Variants in CERS6 observed in about 807,000 individuals in gnomAD.
The protein encoded by CERS6 is LAG1 homolog, ceramide synthase 6.
Under a neutral mutation model 56.8 loss-of-function variants are expected in CERS6, and 26 were observed. The observed-to-expected ratio is 0.46, with a 90% CI of 0.34 to 0.63. The LOEUF is 0.63. CERS6 is among the 30% of genes least tolerant of loss of function. The pLI, the probability that CERS6 is intolerant of heterozygous loss-of-function variation, is 0.01. For synonymous variants in CERS6, 164 were observed against 173.3 expected, an observed-to-expected ratio of 0.95 and a Z score of 0.42; for missense variants, 415 against 467.5, an observed-to-expected ratio of 0.89 and a Z score of 1.04.
chr2:168,640,562 TG>T (rs1417057774), intron 4 of CERS6, among the ~76,000 whole-genome samples: 4 of 152,326 alleles, frequency 2.6e-5, no homozygotes, highest in African/African-American at 9.6e-5. Flanking sequence ...CTCTTTTCCC[TG>T]GTATCATCAG....
chr2:168,517,494 A>AAAATAAAT (rs148764497), intron 1 of CERS6, among the ~76,000 whole-genome samples: 89 of 149,552 alleles, frequency 6.0e-4, no homozygotes, highest in Non-Finnish European at 7.5e-4. Flanking sequence ...ACTGCCTCAA[A>AAAATAAAT]AAATAAATAA....
intron 3 of CERS6, among the ~76,000 whole-genome samples, chr2:168,595,416 A>G (rs1328672265): frequency 1.3e-5 from 2 of 152,200 alleles, no homozygotes; most frequent in Non-Finnish European, 2.9e-5. Context: ...CCAAGGTTAG[A>G]TTGAATGTTG....
chr2:168,532,386 A>C lies in CERS6; in HGVS notation c.171-15210A>C, dbSNP rs545915774. Among the ~76,000 whole-genome samples the C allele has an allele frequency of 5.3e-5, 8 of 152,164 alleles. No individual in the cohort carries two copies. The South Asian group carries it at 1.7e-3, about 32-fold the overall frequency. Reference sequence around the variant, plus strand: ...ATCAGAGATTCTCTTAACTATATTTATTTAGTGTTGATAACACTTTTTTTG... The same window carrying C: ...ATCAGAGATTCTCTTAACTATATTTCTTTAGTGTTGATAACACTTTTTTTG... On this transcript the variant is annotated intron_variant, in intron 1 of 9. Transcript: ENST00000305747.
At chr2:168,537,329 CTTT>C (rs1553489322) in intron 1 of CERS6, among the ~76,000 whole-genome samples, 3 of 152,152 alleles carry the variant, frequency 2.0e-5, no homozygotes, top group Non-Finnish European at 4.4e-5. Context: ...GGCCTTTCTT[CTTT>C]GTCTGACTGA....
chr2:168,559,671 A>G (rs532224614), intron 2 of CERS6, among the ~76,000 whole-genome samples: 1 of 142,274 alleles, frequency 7.0e-6, no homozygotes, highest in South Asian at 2.3e-4. Flanking sequence ...AATTTTGGGG[A>G]GCGCAGCATT....
At chr2:168,643,149 C>T (rs1685088012) in intron 4 of CERS6, among the ~76,000 whole-genome samples, 1 of 152,326 alleles carries the variant, frequency 6.6e-6, no homozygotes, top group Non-Finnish European at 1.5e-5. Flanking sequence ...TTACTTTGTT[C>T]CTCCTAATCA....
chr2:168,765,818 A>G (rs1684717640), intron 9 of CERS6, 70 bp downstream of exon 9: 2 of 1,358,904 alleles, frequency 1.5e-6, no homozygotes, highest in South Asian at 1.4e-5. Context: ...TGGATCAACT[A>G]TTTACTATTC....
chr2:168,715,183 C>T, intron 7 of CERS6, 54 bp downstream of exon 7: 3 of 1,529,720 alleles, frequency 2.0e-6, no homozygotes, highest in Non-Finnish European at 2.7e-6. Context: ...TAGGAAGTCC[C>T]CAATCTCATT....
chr2:168,619,518 A>AT (rs1451716857), intron 3 of CERS6, among the ~76,000 whole-genome samples: 1 of 152,098 alleles, frequency 6.6e-6, no homozygotes, highest in Non-Finnish European at 1.5e-5. Flanking sequence ...AGAAAAAAAA[A>AT]TCAAACAATC....
intron 3 of CERS6, among the ~76,000 whole-genome samples, chr2:168,587,692 G>A (rs1239591555): frequency 6.6e-6 from 1 of 151,958 alleles, no homozygotes; most frequent in Non-Finnish European, 1.5e-5. Context: ...GTGGTATACA[G>A]GCAAAGTTGG....
intron 7 of CERS6, among the ~76,000 whole-genome samples, chr2:168,716,288 G>A (rs1687224724): frequency 6.6e-6 from 1 of 152,088 alleles, no homozygotes; most frequent in South Asian, 2.1e-4. Flanking sequence ...CAATCCCCTG[G>A]AAATGAGTTA....
rs1396910492 is a variant in CERS6, at chr2:168,757,607, C to A, written c.846-7985C>A. 2.0e-5 allele frequency among the ~76,000 whole-genome samples: 3 copies of A among 152,142 alleles called. No individual in the cohort carries two copies. In the East Asian group the frequency reaches 5.8e-4, roughly 29 times the overall value. ...GATAAAGAAATGACTTCTGGCCAGG[C>A]ATGGTGGCTCATGCCTGTAATCCCA... On this transcript the variant is annotated intron_variant, in intron 8 of 9. Transcript: ENST00000305747.
intron 1 of CERS6, among the ~76,000 whole-genome samples, chr2:168,537,535 C>A (rs1247245172): frequency 1.3e-5 from 2 of 151,940 alleles, no homozygotes; most frequent in African/African-American, 4.8e-5. Flanking sequence ...TATAAAATAG[C>A]CTGCTTTAAA....
chr2:168,489,082 A>C (rs1391407538), intron 1 of CERS6, among the ~76,000 whole-genome samples: 1 of 152,198 alleles, frequency 6.6e-6, no homozygotes, highest in Non-Finnish European at 1.5e-5. Context: ...TTGTAGAGCA[A>C]GTCTGCTGAA....
chr2:168,508,198 G>A (rs531216655), intron 1 of CERS6, among the ~76,000 whole-genome samples: 32 of 152,308 alleles, frequency 2.1e-4, no homozygotes, highest in African/African-American at 7.2e-4. Flanking sequence ...ATTTACAATA[G>A]GGTTGTCTAA....
intron 4 of CERS6, among the ~76,000 whole-genome samples, chr2:168,639,533 T>C (rs909713433): frequency 2.6e-5 from 4 of 152,150 alleles, no homozygotes; most frequent in Admixed American, 1.3e-4. Flanking sequence ...ATTTTCCTCA[T>C]CAACAACAAT....
In CERS6 at chr2:168,753,446, A is replaced by G. The variant is rs1684332047; in HGVS notation, c.846-12146A>G. Reference sequence around the variant, plus strand: ...GTGAAGCCTGCAAGAGCAAAATTTTATCTAAATCTGCATTCACTTTCCTAA... The same window carrying G: ...GTGAAGCCTGCAAGAGCAAAATTTTGTCTAAATCTGCATTCACTTTCCTAA... On this transcript the variant is annotated intron_variant, in intron 8 of 9. Transcript: ENST00000305747. 2.0e-5 allele frequency among the ~76,000 whole-genome samples: 3 copies of G among 152,214 alleles called. No homozygotes were observed. The South Asian group carries it at 6.2e-4, about 32-fold the overall frequency.
At chr2:168,503,653 C>G (rs1694623776) in intron 1 of CERS6, among the ~76,000 whole-genome samples, 1 of 152,056 alleles carries the variant, frequency 6.6e-6, no homozygotes, top group Non-Finnish European at 1.5e-5. Context: ...GCTTGCTGTT[C>G]CTGTGGGGCT....
At chr2:168,668,755 C>T (rs778721851) in intron 4 of CERS6, among the ~76,000 whole-genome samples, 1 of 152,142 alleles carries the variant, frequency 6.6e-6, no homozygotes, top group East Asian at 1.9e-4. Flanking sequence ...TGCCAGGCTG[C>T]AACTCTAATC....
Sources: gnomAD v4.1 joint callset for allele counts (sites outside exome capture counted in the v4.1 genomes callset) on GRCh38, gnomAD v4.1.1 for gene constraint, MANE v1.5 for transcripts, NCBI Gene and HGNC (gene_info 2026-07-23, HGNC 2026-07-21) for gene names.